Variants in COL28A1 observed in about 807,000 individuals in gnomAD.
COL28A1 encodes collagen alpha-1(XXVIII) chain.
In COL28A1, 161 loss-of-function variants were observed where a neutral mutation model predicts 150.2. The ratio of observed to expected loss-of-function variants is 1.07; its 90% CI spans 0.94 to 1.22. The LOEUF (loss-of-function observed/expected upper bound fraction) is 1.22, where lower values mean the gene tolerates loss of function less well. COL28A1 is among the 50% of genes most tolerant of loss of function. COL28A1 has a pLI of 0.00. For missense variants in COL28A1, 1,617 were observed against 1,388.3 expected (o/e 1.16, Z -2.62); for synonymous variants, 552 against 469.7 (o/e 1.18, Z -2.26).
At chr7:7,509,807 T>C (rs980256405) in intron 9 of COL28A1, among the ~76,000 whole-genome samples, 2 of 152,226 alleles carry the variant, frequency 1.3e-5, no homozygotes, top group African/African-American at 4.8e-5. Context: ...GTGTGTCCCT[T>C]TTTCTGCATT....
chr7:7,440,623 G>A (rs1418913593), intron 21 of COL28A1, among the ~76,000 whole-genome samples, 167 bp downstream of exon 21: 1 of 152,104 alleles, frequency 6.6e-6, no homozygotes, highest in Non-Finnish European at 1.5e-5. Context: ...ATTCTATTGT[G>A]GTCTGGGAAT....
At chr7:7,487,297 G>A (rs565142930) in intron 13 of COL28A1, among the ~76,000 whole-genome samples, 194 of 152,226 alleles carry the variant, frequency 1.3e-3, no homozygotes, top group African/African-American at 4.4e-3. Context: ...AATTTTTTAC[G>A]CGGGGCACAG....
intron 25 of COL28A1, among the ~76,000 whole-genome samples, chr7:7,432,025 A>G (rs367668727): frequency 1.3e-5 from 2 of 152,196 alleles, no homozygotes; most frequent in African/African-American, 2.4e-5. Flanking sequence ...ATTATTTTAA[A>G]TTAGAGATGT....
At chr7:7,396,772 C>T (rs1782857450) in intron 27 of COL28A1, among the ~76,000 whole-genome samples, 1 of 152,156 alleles carries the variant, frequency 6.6e-6, no homozygotes, top group South Asian at 2.1e-4. Flanking sequence ...GATTTTCATT[C>T]AAATGGTGAT....
intron 27 of COL28A1, among the ~76,000 whole-genome samples, chr7:7,405,389 A>G (rs1583302565): frequency 6.6e-6 from 1 of 152,324 alleles, no homozygotes; most frequent in African/African-American, 2.4e-5. Flanking sequence ...ATTTCTTTCT[A>G]AAACTGGCAT....
intron 3 of COL28A1, among the ~76,000 whole-genome samples, chr7:7,530,562 C>G (rs779990620): frequency 3.9e-5 from 6 of 152,152 alleles, no homozygotes; most frequent in Admixed American, 1.3e-4. Context: ...AACACTCAGC[C>G]AATCAACCAA....
At chr7:7,528,390 A>G (rs1324954642) in intron 3 of COL28A1, among the ~76,000 whole-genome samples, 3 of 152,194 alleles carry the variant, frequency 2.0e-5, no homozygotes, top group Non-Finnish European at 4.4e-5. Flanking sequence ...GGAGTCATTA[A>G]GTCTCTTTTG....
rs1181185916 is a variant in COL28A1 at position 7,522,154 on chromosome 7, GCT to G, written c.703-195_703-194del. On this transcript the variant is annotated intron_variant, in intron 4 of 34. Coordinates refer to ENST00000399429, the MANE Select transcript of COL28A1 (RefSeq NM_001037763.3). ...TACCTTGCACATTTATGGATGTTTTGCTCTCTCTATTAAATTATTCCAGGCAA... is the reference window on the plus strand; with the variant it reads ...TACCTTGCACATTTATGGATGTTTTGCTCTCTATTAAATTATTCCAGGCAA... 5 of 640,488 alleles carry G rather than the reference GCT, an allele frequency of 7.8e-6. No homozygotes were observed. In the Admixed American group the frequency reaches 1.1e-4, roughly 14 times the overall value. 39.7% of individuals were successfully genotyped at this position (640,488 alleles called of 1,614,324 possible).
chr7:7,443,697 C>T (rs764809929), intron 19 of COL28A1, 44 bp from the exon 20 acceptor site: 1 of 1,611,784 alleles, frequency 6.2e-7, no homozygotes, highest in Non-Finnish European at 8.5e-7. Context: ...CTCCAGTAGA[C>T]AGACTGTACG....
intron 21 of COL28A1, among the ~76,000 whole-genome samples, chr7:7,439,360 C>G (rs1228931934): frequency 6.6e-6 from 1 of 151,956 alleles, no homozygotes; most frequent in Admixed American, 6.5e-5. Flanking sequence ...TCGGGAAACA[C>G]AAAAAAACCC....
At chr7:7,351,871 C>G (rs150311911), downstream of COL28A1, among the ~76,000 whole-genome samples, 1,482 of 152,166 alleles carry the variant, frequency 9.7e-3, 23 homozygotes, top group African/African-American at 0.034. Context: ...AAGGGCATTC[C>G]AAAGTTAACC....
chr7:7,522,070 A>C (rs998338001), intron 4 of COL28A1, 109 bp from the exon 5 acceptor site: 1 of 740,206 alleles, frequency 1.4e-6, no homozygotes, highest in Non-Finnish European at 2.4e-6. Context: ...AATAAATTTC[A>C]AATAGCATTT....
rs998971433 is a variant in COL28A1, at chr7:7,396,600, T to A, written c.2137-14988A>T. Reference sequence around the variant, plus strand: ...ATGGGGACTAAGACGGCCTAATGCTTGTTCAATAAAGCACCCTATTTGGTT... The same window carrying A: ...ATGGGGACTAAGACGGCCTAATGCTAGTTCAATAAAGCACCCTATTTGGTT... On this transcript the variant is annotated intron_variant, in intron 27 of 34. Coordinates refer to ENST00000399429, the MANE Select transcript of COL28A1 (RefSeq NM_001037763.3). Among the ~76,000 whole-genome samples the A allele has an allele frequency of 6.6e-5, 10 of 152,332 alleles. No individual in the cohort carries two copies. In the Middle Eastern group the frequency reaches 0.01, roughly 155 times the overall value.
chr7:7,520,202 C>A, intron 5 of COL28A1, 87 bp from the exon 6 acceptor site: 1 of 675,032 alleles, frequency 1.5e-6, no homozygotes, highest in Non-Finnish European at 2.5e-6. Context: ...GTTTTGTTTC[C>A]TAGAATGAGG....
At chr7:7,449,687 AC>A (rs1786532951) in intron 18 of COL28A1, among the ~76,000 whole-genome samples, 1 of 152,054 alleles carries the variant, frequency 6.6e-6, no homozygotes, top group Non-Finnish European at 1.5e-5. Context: ...AAAAAACAAA[AC>A]AAAACAAAAC....
intron 34 of COL28A1, among the ~76,000 whole-genome samples, chr7:7,360,078 C>A (rs550861940): frequency 1.2e-4 from 18 of 152,114 alleles, no homozygotes; most frequent in Non-Finnish European, 2.2e-4. Flanking sequence ...CAATAGGGAG[C>A]AGTACGGACT....
At chr7:7,475,995 T>C (rs1451691024) in intron 14 of COL28A1, among the ~76,000 whole-genome samples, 1 of 152,228 alleles carries the variant, frequency 6.6e-6, no homozygotes, top group Non-Finnish European at 1.5e-5. Context: ...TTTATCTAAT[T>C]GTTTTCCCTC....
chr7:7,370,686 C>G (rs1478174145), intron 33 of COL28A1, 39 bp downstream of exon 33: 1 of 1,544,254 alleles, frequency 6.5e-7, no homozygotes, highest in South Asian at 1.2e-5. Flanking sequence ...AGAGAATACA[C>G]CATTTTAAGC....
At chr7:7,426,939 ATAATTTTCC>A (rs1784671905) in intron 25 of COL28A1, among the ~76,000 whole-genome samples, 1 of 152,202 alleles carries the variant, frequency 6.6e-6, no homozygotes, top group African/African-American at 2.4e-5. Context: ...AAAACTGAAT[ATAATTTTCC>A]ACTGGGAGAA....
Sources: allele counts gnomAD v4.1 joint callset (sites outside exome capture counted in the v4.1 genomes callset), GRCh38; gene constraint gnomAD v4.1.1; transcripts MANE v1.5; gene names NCBI Gene and HGNC (gene_info 2026-07-23, HGNC 2026-07-21).